The following RBM8A variants were observed in gnomAD, a reference collection of about 807,000 sequenced individuals.
RBM8A encodes RNA-binding protein 8A.
RBM8A carries 8 observed loss-of-function variants against 25.1 expected under a neutral mutation model. The observed-to-expected ratio is 0.32, with a 90% CI of 0.19 to 0.58. The LOEUF (loss-of-function observed/expected upper bound fraction) is 0.58. RBM8A is among the 20% of genes least tolerant of loss of function. The pLI, the probability that RBM8A is intolerant of heterozygous loss-of-function variation, is 0.88. For missense variants in RBM8A, 114 were observed against 236.8 expected (o/e 0.48, Z 3.40); for synonymous variants, 66 against 80.0 (o/e 0.82, Z 0.94).
rs1034098703 is a variant in RBM8A, at chr1:145,921,996, G to C, written c.*3886C>G. ...CCCAGCATTTTGGAAGGCCAAGGTG[G>C]GTGGATCACTTGAGGTCAGGAGTTT... is the stretch of plus-strand genomic sequence containing the variant. On this transcript the variant is annotated 3_prime_UTR_variant, in exon 6 of 6. Coordinates refer to ENST00000583313, the MANE Select transcript of RBM8A (RefSeq NM_005105.5). 1 of 152,170 alleles carries C rather than the reference G, an allele frequency of 6.6e-6. No homozygotes were observed. 9.4% of individuals were successfully genotyped at this position (152,170 alleles called of 1,614,324 possible). A position where few individuals can be genotyped will look rare whatever the true frequency, so the allele number is the denominator to read the frequency against.
intron 3 of RBM8A, 72 bp from the exon 4 acceptor site, chr1:145,926,690 A>T: frequency 6.2e-7 from 1 of 1,612,472 alleles, no homozygotes. Flanking sequence ...GAATAGAGTG[A>T]GTGCGGACTC....
In RBM8A at chr1:145,922,916, T is replaced by C. The variant is rs1169927414; in HGVS notation, c.*2966A>G. ...TGGACCAAACTATAAATCCAAGAGC[T>C]TTGATTATTATTTTTTTTTTTTTTG... On this transcript the variant is annotated 3_prime_UTR_variant, in exon 6 of 6. Coordinates refer to ENST00000583313, the MANE Select transcript of RBM8A (RefSeq NM_005105.5). The C allele has an allele frequency of 6.8e-6, 1 of 147,890 alleles. No individual in the cohort carries two copies. Among genetic ancestry groups the C allele is most frequent in the East Asian group, 2.1e-4 (1 of 4,714 alleles). The allele number at this position is 147,890 out of a possible 1,614,324, so 9.2% of individuals were successfully genotyped here.
chr1:145,921,989 C>G lies in RBM8A; in HGVS notation c.*3893G>C, dbSNP rs1254926835. ...CTGTAATCCCAGCATTTTGGAAGGC[C>G]AAGGTGGGTGGATCACTTGAGGTCA... On this transcript the variant is annotated 3_prime_UTR_variant, in exon 6 of 6. Transcript: ENST00000583313. 6.6e-6 allele frequency: 1 copy of G among 152,154 alleles called. No individual in the cohort carries two copies. The highest frequency in any genetic ancestry group is 1.5e-5 in the Non-Finnish European group (1 of 68,046). 9.4% of individuals were successfully genotyped at this position (152,154 alleles called of 1,614,324 possible).
chr1:145,926,924 C>T (rs782560435), intron 2 of RBM8A, 38 bp from the exon 3 acceptor site: 13 of 1,613,956 alleles, frequency 8.1e-6, no homozygotes, highest in East Asian at 4.5e-5. Flanking sequence ...AAAACTCCTC[C>T]TTTCTCCCAT....
At position 145,924,720 on chromosome 1, in the gene RBM8A, G is replaced by T. The variant is rs782690301; in HGVS notation, c.*1162C>A. ...ACATTCTCCTCCTTGTAGGAGGCGA[G>T]CTCTGTCTCACTAGCTATGCCCCTC... is the stretch of plus-strand genomic sequence containing the variant. On this transcript the variant is annotated 3_prime_UTR_variant, in exon 6 of 6. Transcript: ENST00000583313. The T allele has an allele frequency of 1.7e-4, 65 of 382,460 alleles. No individual in the cohort carries two copies. Among genetic ancestry groups the T allele is most frequent in the Non-Finnish European group, 3.2e-4 (61 of 189,326 alleles). The allele number at this position is 382,460 out of a possible 1,614,324, so 23.7% of individuals were successfully genotyped here.
At position 145,924,153 on chromosome 1, in the gene RBM8A, A is replaced by C. The variant is rs1201725531; in HGVS notation, c.*1729T>G. The stretch of plus-strand genomic sequence containing the variant: ...TTCTAATAGTCCTCAACTCCACTCC[A>C]GCTGTTCCTGTTCCACACGGTCCAC... On this transcript the variant is annotated 3_prime_UTR_variant, in exon 6 of 6. Coordinates refer to ENST00000583313, the MANE Select transcript of RBM8A (RefSeq NM_005105.5). The C allele has an allele frequency of 1.4e-6, 1 of 708,902 alleles. No individual in the cohort carries two copies. The highest frequency in any genetic ancestry group is 1.7e-5 in the African/African-American group (1 of 57,244). 43.9% of individuals were successfully genotyped at this position (708,902 alleles called of 1,614,324 possible). A position where few individuals can be genotyped will look rare whatever the true frequency, so the allele number is the denominator to read the frequency against.
Position 145,923,325 on chromosome 1 carries a change from G to C in RBM8A, c.*2557C>G, listed in dbSNP as rs1245558745. 2 of 152,106 alleles carry C rather than the reference G, an allele frequency of 1.3e-5. No individual in the cohort carries two copies. The highest frequency in any genetic ancestry group is 2.9e-5 in the Non-Finnish European group (2 of 68,060). The allele number at this position is 152,106 out of a possible 1,614,324, so 9.4% of individuals were successfully genotyped here. On this transcript the variant is annotated 3_prime_UTR_variant, in exon 6 of 6. Transcript: ENST00000583313. Reference sequence around the variant, plus strand: ...AAAAAAAACTTAGAAATATATGAATGCAAGAGATGGGAAGAGGAAAGACCA... The same window carrying C: ...AAAAAAAACTTAGAAATATATGAATCCAAGAGATGGGAAGAGGAAAGACCA...
Position 145,926,828 on chromosome 1 carries a change from A to G in RBM8A, c.186T>C (p.Asp62=). Reference sequence around the variant, plus strand: ...ACTCACAGCGTTGTGGTCCGGGTTCATCGCCATCCTGCTCCACGCTGTCAT... The same window carrying G: ...ACTCACAGCGTTGTGGTCCGGGTTCGTCGCCATCCTGCTCCACGCTGTCAT... ...EDYDSVEQDG[D]EPGPQRSVEG... is the part of the protein sequence containing the mutation. The change falls in exon 3 of 6, where the codon GAT becomes GAC. Residue 62 remains aspartate (D), a synonymous_variant. Transcript: ENST00000583313. 6.2e-7 allele frequency: 1 copy of G among 1,614,150 alleles called. No homozygotes were observed. Among genetic ancestry groups the G allele is most frequent in the Non-Finnish European group, 8.5e-7 (1 of 1,180,022 alleles).
In RBM8A at chr1:145,922,111, C is replaced by T. The variant is rs1247088212; in HGVS notation, c.*3771G>A. 1.3e-5 allele frequency: 2 copies of T among 151,796 alleles called. No individual in the cohort carries two copies. The highest frequency in any genetic ancestry group is 3.9e-4 in the East Asian group (2 of 5,168). The allele number at this position is 151,796 out of a possible 1,614,324, so 9.4% of individuals were successfully genotyped here. ...TAGTGGTGAGCACCTGTAATCCCAA[C>T]TACTCAGGAGGCTGAGGCACGAGAA... On this transcript the variant is annotated 3_prime_UTR_variant, in exon 6 of 6. Transcript: ENST00000583313.
chr1:145,923,141 G>A lies in RBM8A; in HGVS notation c.*2741C>T, dbSNP rs1214802018. ...AGACAGGGTTTCACTGTGTTAGCCA[G>A]GATGGTCTCCATCTCCTAACCTCGT... is the stretch of plus-strand genomic sequence containing the variant. On this transcript the variant is annotated 3_prime_UTR_variant, in exon 6 of 6. Coordinates refer to ENST00000583313, the MANE Select transcript of RBM8A (RefSeq NM_005105.5). 5 of 152,156 alleles carry A rather than the reference G, an allele frequency of 3.3e-5. No homozygotes were observed. The highest frequency in any genetic ancestry group is 7.3e-5 in the Non-Finnish European group (5 of 68,102). 9.4% of individuals were successfully genotyped at this position (152,156 alleles called of 1,614,324 possible).
chr1:145,924,116 G>T lies in RBM8A; in HGVS notation c.*1766C>A, dbSNP rs1647963799. The T allele has an allele frequency of 1.4e-6, 1 of 713,008 alleles. No individual in the cohort carries two copies. The highest frequency in any genetic ancestry group is 1.7e-5 in the African/African-American group (1 of 57,198). 44.2% of individuals were successfully genotyped at this position (713,008 alleles called of 1,614,324 possible). ...GACATAGGTGGGTAGGTTGGGTGGTGAGGGGAACCAGTTCTAATAGTCCTC... is the reference window on the plus strand; with the variant it reads ...GACATAGGTGGGTAGGTTGGGTGGTTAGGGGAACCAGTTCTAATAGTCCTC... On this transcript the variant is annotated 3_prime_UTR_variant, in exon 6 of 6. Coordinates refer to ENST00000583313, the MANE Select transcript of RBM8A (RefSeq NM_005105.5).
In RBM8A at chr1:145,924,094, A is replaced by T. The variant is rs587679650; in HGVS notation, c.*1788T>A. ...ATGAATTGGGAGGAGACAGTATGACATAGGTGGGTAGGTTGGGTGGTGAGG... is the reference window on the plus strand; with the variant it reads ...ATGAATTGGGAGGAGACAGTATGACTTAGGTGGGTAGGTTGGGTGGTGAGG... On this transcript the variant is annotated 3_prime_UTR_variant, in exon 6 of 6. Coordinates refer to ENST00000583313, the MANE Select transcript of RBM8A (RefSeq NM_005105.5). 1.3e-5 allele frequency: 9 copies of T among 713,202 alleles called. No homozygotes were observed. In the East Asian group the frequency reaches 2.4e-4, roughly 19 times the overall value. The allele number at this position is 713,202 out of a possible 1,614,324, so 44.2% of individuals were successfully genotyped here. A position where few individuals can be genotyped will look rare whatever the true frequency, so the allele number is the denominator to read the frequency against.
rs1647938853 is a variant in RBM8A at position 145,923,769 on chromosome 1, C to T, written c.*2113G>A. 2 of 510,660 alleles carry T rather than the reference C, an allele frequency of 3.9e-6. No individual in the cohort carries two copies. The highest frequency in any genetic ancestry group is 6.9e-6 in the Non-Finnish European group (2 of 290,082). The allele number at this position is 510,660 out of a possible 1,614,324, so 31.6% of individuals were successfully genotyped here. ...CCTGCAAAATGGCCTGGAATTTTGG[C>T]AGCACCCATTTTACACAATATTTCT... On this transcript the variant is annotated 3_prime_UTR_variant, in exon 6 of 6. Coordinates refer to ENST00000583313, the MANE Select transcript of RBM8A (RefSeq NM_005105.5).
At chr1:145,927,312 T>C in intron 1 of RBM8A, 48 bp downstream of exon 1, 2 of 1,587,204 alleles carry the variant, frequency 1.3e-6, no homozygotes, top group East Asian at 2.3e-5. Flanking sequence ...ATTATAGCCT[T>C]CTCTCGCACC....
chr1:145,926,440 G>T, intron 4 of RBM8A, 42 bp downstream of exon 4: 5 of 1,608,078 alleles, frequency 3.1e-6, no homozygotes, highest in Non-Finnish European at 4.2e-6. Flanking sequence ...GCTACCTAAG[G>T]CTTATGAAAG....
intron 1 of RBM8A, 50 bp downstream of exon 1, chr1:145,927,310 C>T (rs1553756149): frequency 1.9e-6 from 3 of 1,583,772 alleles, no homozygotes; most frequent in Non-Finnish European, 2.6e-6. Flanking sequence ...CTATTATAGC[C>T]TTCTCTCGCA....
Position 145,926,356 on chromosome 1 carries a change from A to G in RBM8A, c.342+126T>C, listed in dbSNP as rs1166505842. ...TTTCTGTCTCTTTGGCGTGTCTGAC[A>G]AAACATAGATTTCCAATGTCATTTT... On this transcript the variant is annotated intron_variant, in intron 4 of 5. Coordinates refer to ENST00000583313, the MANE Select transcript of RBM8A (RefSeq NM_005105.5). 6.7e-6 allele frequency: 10 copies of G among 1,486,704 alleles called. No individual in the cohort carries two copies. The South Asian group carries it at 1.3e-4, about 19-fold the overall frequency. 92.1% of individuals were successfully genotyped at this position (1,486,704 alleles called of 1,614,324 possible).
chr1:145,925,390 T>C lies in RBM8A; in HGVS notation c.*492A>G, dbSNP rs1182853876. On this transcript the variant is annotated 3_prime_UTR_variant, in exon 6 of 6. Transcript: ENST00000583313. The stretch of plus-strand genomic sequence containing the variant: ...ACCTGAAACTTGAGACTATGTCTAA[T>C]ATAGAAACTCACATAACTAGCCCAG... The C allele has an allele frequency of 1.1e-5, 4 of 358,770 alleles. No individual in the cohort carries two copies. The highest frequency in any genetic ancestry group is 2.2e-5 in the Non-Finnish European group (4 of 181,696). The allele number at this position is 358,770 out of a possible 1,614,324, so 22.2% of individuals were successfully genotyped here. A position where few individuals can be genotyped will look rare whatever the true frequency, so the allele number is the denominator to read the frequency against.
In RBM8A at chr1:145,922,727, G is replaced by C. The variant is rs1029929926; in HGVS notation, c.*3155C>G. 5 of 152,104 alleles carry C rather than the reference G, an allele frequency of 3.3e-5. No homozygotes were observed. The highest frequency in any genetic ancestry group is 1.2e-4 in the African/African-American group (5 of 41,410). The allele number at this position is 152,104 out of a possible 1,614,324, so 9.4% of individuals were successfully genotyped here. ...TAAAAAATTTAATAATGTCACGTTA[G>C]AGTGGTAAGGGCTTAGGGGTAGTTA... is the stretch of plus-strand genomic sequence containing the variant. On this transcript the variant is annotated 3_prime_UTR_variant, in exon 6 of 6. Coordinates refer to ENST00000583313, the MANE Select transcript of RBM8A (RefSeq NM_005105.5).
Sources: gnomAD v4.1 joint callset for allele counts on GRCh38, gnomAD v4.1.1 for gene constraint, MANE v1.5 for transcripts, NCBI Gene and HGNC (gene_info 2026-07-23, HGNC 2026-07-21) for gene names.